Variants in SUMF1 observed in about 807,000 individuals in gnomAD.
SUMF1 encodes the protein sulfatase modifying factor 1, also known as formylglycine-generating enzyme.
SUMF1 carries 48 observed loss-of-function variants against 47.6 expected under a neutral mutation model. The ratio of observed to expected loss-of-function variants is 1.01; its 90% CI spans 0.80 to 1.28. SUMF1 has a LOEUF of 1.28. Ranked by LOEUF, SUMF1 falls within the 50% of genes most tolerant of loss-of-function variation. SUMF1 has a pLI of 0.00. For synonymous variants in SUMF1, 230 were observed against 192.1 expected, an observed-to-expected ratio of 1.20 and a Z score of -1.63; for missense variants, 571 against 485.4, an observed-to-expected ratio of 1.18 and a Z score of -1.66.
At chr3:4,383,204 C>G (rs1270515265) in intron 7 of SUMF1, among the ~76,000 whole-genome samples, 1 of 152,032 alleles carries the variant, frequency 6.6e-6, no homozygotes, top group South Asian at 2.1e-4. Flanking sequence ...CATGGTGAAA[C>G]CTTGTCTCTA....
At chr3:4,417,869 G>C (rs192172365) in intron 5 of SUMF1, 141 bp downstream of exon 5, 1 of 1,470,622 alleles carries the variant, frequency 6.8e-7, no homozygotes, top group Non-Finnish European at 9.4e-7. Context: ...TGTCTTCTAA[G>C]TAATTTCGTG....
At chr3:4,204,778 T>C (rs1367227505) in intron 8 of SUMF1, among the ~76,000 whole-genome samples, 1 of 152,128 alleles carries the variant, frequency 6.6e-6, no homozygotes, top group Non-Finnish European at 1.5e-5. Flanking sequence ...CACACTGATG[T>C]ATTTTTTCAG....
chr3:4,254,946 G>T (rs313661), intron 8 of SUMF1, among the ~76,000 whole-genome samples: 97,652 of 151,530 alleles, frequency 0.64, 32,400 homozygotes, highest in African/African-American at 0.8. Context: ...CAGAAGAGAG[G>T]GGGGGCCAGT....
intron 8 of SUMF1, among the ~76,000 whole-genome samples, chr3:4,373,950 T>C (rs1191338155): frequency 1.2e-4 from 18 of 152,024 alleles, no homozygotes. Context: ...ATCATCTCAA[T>C]AGATGCAGAA....
At chr3:4,423,191 C>T (rs1553577116) in intron 3 of SUMF1, among the ~76,000 whole-genome samples, 8 of 152,094 alleles carry the variant, frequency 5.3e-5, no homozygotes, top group Non-Finnish European at 7.4e-5. Flanking sequence ...CTTGCACACA[C>T]ATGTTTATAG....
chr3:4,216,835 A>G (rs1005903978), intron 8 of SUMF1, among the ~76,000 whole-genome samples: 4 of 152,196 alleles, frequency 2.6e-5, no homozygotes, highest in Non-Finnish European at 5.9e-5. Context: ...TGCCAGTTAG[A>G]ATGGGGATCG....
chr3:4,188,801 G>T (rs915518123), intron 8 of SUMF1, among the ~76,000 whole-genome samples: 1 of 152,168 alleles, frequency 6.6e-6, no homozygotes, highest in Non-Finnish European at 1.5e-5. Context: ...GCTCATCCAT[G>T]TAAAACATTT....
At chr3:4,439,131 C>T (rs1488519046) in intron 3 of SUMF1, among the ~76,000 whole-genome samples, 1 of 152,188 alleles carries the variant, frequency 6.6e-6, no homozygotes, top group African/African-American at 2.4e-5. Flanking sequence ...AAAGTGGTCA[C>T]TTAGACATAT....
At chr3:4,393,830 G>A (rs794189) in intron 7 of SUMF1, among the ~76,000 whole-genome samples, 36,048 of 151,828 alleles carry the variant, frequency 0.24, 5,630 homozygotes, top group Non-Finnish European at 0.34. Context: ...CAGTGGTTGG[G>A]TGTGTGTTTT....
At chr3:4,157,368 C>T (rs1348688222) in intron 8 of SUMF1, among the ~76,000 whole-genome samples, 1 of 151,590 alleles carries the variant, frequency 6.6e-6, no homozygotes, top group Non-Finnish European at 1.5e-5. Flanking sequence ...GGTTGCTTTC[C>T]AAGTGGCTGT....
intron 8 of SUMF1, among the ~76,000 whole-genome samples, chr3:4,192,552 T>C (rs1172801850): frequency 1.3e-5 from 2 of 152,138 alleles, no homozygotes; most frequent in Admixed American, 1.3e-4. Context: ...TATTGTATAA[T>C]AAAGAATTTG....
At chr3:4,249,161 G>A (rs1453607191) in intron 8 of SUMF1, among the ~76,000 whole-genome samples, 2 of 152,216 alleles carry the variant, frequency 1.3e-5, no homozygotes, top group Non-Finnish European at 2.9e-5. Flanking sequence ...GTGTTCTCTA[G>A]CAGAGTGGGT....
chr3:4,155,703 G>A (rs985809373), intron 8 of SUMF1, among the ~76,000 whole-genome samples: 4 of 151,366 alleles, frequency 2.6e-5, no homozygotes, highest in Non-Finnish European at 5.9e-5. Flanking sequence ...ACTCTTTCAT[G>A]CTTAAGCAGC....
intron 8 of SUMF1, among the ~76,000 whole-genome samples, chr3:4,134,672 C>T (rs558721294): frequency 1.1e-4 from 17 of 151,900 alleles, no homozygotes; most frequent in South Asian, 6.2e-4. Context: ...AAAAAATTAA[C>T]GAATCCAGGA....
intron 8 of SUMF1, among the ~76,000 whole-genome samples, chr3:4,240,520 T>C (rs111318775): frequency 2.3e-5 from 3 of 132,218 alleles, no homozygotes; most frequent in African/African-American, 8.9e-5. Flanking sequence ...TGCTTTTAGA[T>C]GATTTTTTAA....
intron 8 of SUMF1, among the ~76,000 whole-genome samples, chr3:4,209,854 T>A (rs915359968): frequency 1.6e-4 from 24 of 152,154 alleles, no homozygotes; most frequent in African/African-American, 5.8e-4. Flanking sequence ...TGAGAGAAAT[T>A]AAAGAAGGCC....
At chr3:4,065,238 G>T (rs1350497843) in intron 9 of SUMF1, among the ~76,000 whole-genome samples, 1 of 151,222 alleles carries the variant, frequency 6.6e-6, no homozygotes, top group Admixed American at 6.6e-5. Context: ...TTTTTTTTCT[G>T]CAATGAGACA....
At chr3:4,448,793 T>C (rs958353904) in intron 3 of SUMF1, among the ~76,000 whole-genome samples, 1 of 152,204 alleles carries the variant, frequency 6.6e-6, no homozygotes, top group Admixed American at 6.5e-5. Flanking sequence ...ACCTCCATTT[T>C]TCATGAACAT....
downstream of SUMF1, among the ~76,000 whole-genome samples, chr3:4,358,634 A>T (rs1363485831): frequency 6.6e-6 from 1 of 152,220 alleles, no homozygotes; most frequent in East Asian, 1.9e-4. Flanking sequence ...TAATACCATG[A>T]AAGTGCCTTC....
Sources: gnomAD v4.1 joint callset for allele counts (sites outside exome capture counted in the v4.1 genomes callset) on GRCh38, gnomAD v4.1.1 for gene constraint, MANE v1.5 for transcripts, NCBI Gene and HGNC (gene_info 2026-07-23, HGNC 2026-07-21) for gene names.